ADAMTSL1: variants seen among roughly 807,000 people sequenced by gnomAD.
ADAMTSL1 encodes the protein ADAMTS like 1.
A neutral mutation model predicts 201.8 loss-of-function variants in ADAMTSL1; 126 were observed. The observed-to-expected ratio is 0.62, with a 90% CI of 0.54 to 0.72. ADAMTSL1 has a LOEUF of 0.72. ADAMTSL1 is among the 30% of genes least tolerant of loss of function. The pLI is 0.00. For missense variants in ADAMTSL1, 2,679 were observed against 2,277.8 expected, an observed-to-expected ratio of 1.18 and a Z score of -3.59; for synonymous variants, 1,121 against 903.4, an observed-to-expected ratio of 1.24 and a Z score of -4.32.
At chr9:18,292,138 A>G (rs16936541) in intron 2 of ADAMTSL1, among the ~76,000 whole-genome samples, 9,254 of 152,148 alleles carry the variant, frequency 0.061, 942 homozygotes, top group African/African-American at 0.21. Flanking sequence ...CTGGTCATTT[A>G]GTAAATGGAA....
At chr9:18,497,552 A>G (rs1822593844) in intron 1 of ADAMTSL1, among the ~76,000 whole-genome samples, 1 of 152,214 alleles carries the variant, frequency 6.6e-6, no homozygotes, top group Non-Finnish European at 1.5e-5. Context: ...TATAATATTT[A>G]TATTAATATT....
intron 2 of ADAMTSL1, among the ~76,000 whole-genome samples, chr9:18,293,184 A>T (rs1833340726): frequency 1.3e-5 from 2 of 152,182 alleles, no homozygotes; most frequent in South Asian, 4.1e-4. Context: ...ACCTAGGTTG[A>T]TTCCATGTCT....
intron 2 of ADAMTSL1, among the ~76,000 whole-genome samples, chr9:18,377,521 T>A (rs1183314581): frequency 6.6e-6 from 1 of 152,182 alleles, no homozygotes; most frequent in South Asian, 2.1e-4. Flanking sequence ...AATTTCAGTT[T>A]GTGCAACAGG....
intron 23 of ADAMTSL1, among the ~76,000 whole-genome samples, chr9:18,845,700 C>T (rs1826060523): frequency 1.3e-5 from 2 of 152,218 alleles, no homozygotes; most frequent in Non-Finnish European, 2.9e-5. Context: ...TCAGACATCC[C>T]TGCTAAGAGC....
At chr9:18,507,405 A>T (rs766911546) in intron 2 of ADAMTSL1, among the ~76,000 whole-genome samples, 1 of 152,308 alleles carries the variant, frequency 6.6e-6, no homozygotes, top group Middle Eastern at 3.4e-3. Flanking sequence ...CAATTTAAAG[A>T]TCTACAGTGA....
intron 2 of ADAMTSL1, among the ~76,000 whole-genome samples, chr9:18,257,176 C>A (rs538774259): frequency 6.6e-6 from 1 of 152,154 alleles, no homozygotes; most frequent in African/African-American, 2.4e-5. Context: ...ATCATCACAA[C>A]ACAATTCTTT....
intron 2 of ADAMTSL1, among the ~76,000 whole-genome samples, chr9:18,342,513 AAGTT>A (rs1156430249): frequency 1.3e-5 from 2 of 152,282 alleles, no homozygotes; most frequent in African/African-American, 4.8e-5. Context: ...ACATCTCTCT[AAGTT>A]AGAGAATTAT....
intron 2 of ADAMTSL1, among the ~76,000 whole-genome samples, chr9:18,451,130 G>A (rs577243462): frequency 6.6e-6 from 1 of 152,276 alleles, no homozygotes; most frequent in South Asian, 2.1e-4. Context: ...CACCACAGCT[G>A]CATGTGCATT....
chr9:18,718,608 C>A, intron 14 of ADAMTSL1: 1 of 385,304 alleles, frequency 2.6e-6, no homozygotes, highest in Non-Finnish European at 5.1e-6. Context: ...CGGGTTGCTA[C>A]TCTCGGCACC....
At chr9:18,263,382 T>TC (rs1352976009) in intron 2 of ADAMTSL1, among the ~76,000 whole-genome samples, 1 of 152,186 alleles carries the variant, frequency 6.6e-6, no homozygotes, top group Non-Finnish European at 1.5e-5. Context: ...TTTCGGGCTT[T>TC]CCCCCTTTAA....
At chr9:18,652,114 G>T (rs927753810) in intron 7 of ADAMTSL1, among the ~76,000 whole-genome samples, 21 of 151,968 alleles carry the variant, frequency 1.4e-4, no homozygotes, top group Non-Finnish European at 2.6e-4. Context: ...TGCACTACAA[G>T]CTAATATGCT....
In ADAMTSL1 at chr9:18,817,381, A is replaced by C; in HGVS notation, c.3934+144A>C. On this transcript the variant is annotated intron_variant, in intron 21 of 28. Transcript: ENST00000380548. ...AAGCATGAACCTCAGTCGCTCTGAA[A>C]GTAGAAAGTGCTACAGAAATTTAGA... 4.0e-6 allele frequency: 3 copies of C among 748,748 alleles called. No homozygotes were observed. The Admixed American group carries it at 9.9e-5, about 25-fold the overall frequency. 46.4% of individuals were successfully genotyped at this position (748,748 alleles called of 1,614,324 possible). A position where few individuals can be genotyped will look rare whatever the true frequency, so the allele number is the denominator to read the frequency against.
intron 3 of ADAMTSL1, among the ~76,000 whole-genome samples, chr9:18,551,805 T>C (rs1042772509): frequency 1.3e-5 from 2 of 151,894 alleles, no homozygotes; most frequent in African/African-American, 4.8e-5. Context: ...ACTTTTGTTG[T>C]TATTTCTCTT....
intron 21 of ADAMTSL1, among the ~76,000 whole-genome samples, chr9:18,825,169 C>T (rs1246601705): frequency 6.6e-6 from 1 of 152,130 alleles, no homozygotes; most frequent in Non-Finnish European, 1.5e-5. Flanking sequence ...AGCCCAGCCT[C>T]CTATAGGATC....
intron 2 of ADAMTSL1, among the ~76,000 whole-genome samples, chr9:18,457,182 G>A (rs1820637336): frequency 6.6e-6 from 1 of 151,944 alleles, no homozygotes; most frequent in African/African-American, 2.4e-5. Context: ...CAGTTACTGA[G>A]CTAATGTTGA....
intron 15 of ADAMTSL1, among the ~76,000 whole-genome samples, chr9:18,751,234 A>G (rs1403910875): frequency 6.6e-6 from 1 of 152,226 alleles, no homozygotes; most frequent in Non-Finnish European, 1.5e-5. Flanking sequence ...TTACACAAGG[A>G]TCTAAAAGAA....
chr9:18,799,804 C>T lies in ADAMTSL1; in HGVS notation c.3805+4280C>T, dbSNP rs539986490. ...CACATTGTGTCTAATAAAGAGATCA[C>T]AGAAACCTCACTGGGAAAATAAAAA... On this transcript the variant is annotated intron_variant, in intron 20 of 28. Coordinates refer to ENST00000380548, the MANE Select transcript of ADAMTSL1 (RefSeq NM_001040272.6). 7.2e-5 allele frequency among the ~76,000 whole-genome samples: 11 copies of T among 152,250 alleles called. No individual in the cohort carries two copies. The East Asian group carries it at 2.1e-3, about 29-fold the overall frequency.
intron 3 of ADAMTSL1, among the ~76,000 whole-genome samples, chr9:18,543,809 C>T (rs1159279701): frequency 1.3e-5 from 2 of 152,170 alleles, no homozygotes; most frequent in Admixed American, 1.3e-4. Context: ...ACTGGGTGCC[C>T]CCCAGCCCCA....
intron 12 of ADAMTSL1, among the ~76,000 whole-genome samples, chr9:18,683,380 G>C (rs144286741): frequency 6.6e-6 from 1 of 150,714 alleles, no homozygotes; most frequent in East Asian, 1.9e-4. Context: ...GCATGCTGCC[G>C]TGCCCAGCTA....
Sources: allele counts gnomAD v4.1 joint callset (sites outside exome capture counted in the v4.1 genomes callset), GRCh38; gene constraint gnomAD v4.1.1; transcripts MANE v1.5; gene names NCBI Gene and HGNC (gene_info 2026-07-23, HGNC 2026-07-21).